Variants in PLS1 observed in about 807,000 individuals in gnomAD.
The protein encoded by PLS1 is plastin-1.
Under a neutral mutation model 73.7 loss-of-function variants are expected in PLS1, and 32 were observed. That is an observed-to-expected ratio of 0.43 (90% CI 0.33 to 0.58). The LOEUF is 0.58. Ranked by LOEUF, PLS1 falls within the 20% of genes least tolerant of loss-of-function variation. The pLI, the probability that PLS1 is intolerant of heterozygous loss-of-function variation, is 0.04. For missense variants in PLS1, 633 were observed against 740.5 expected, an observed-to-expected ratio of 0.85 and a Z score of 1.68; for synonymous variants, 217 against 261.3, an observed-to-expected ratio of 0.83 and a Z score of 1.63.
At chr3:142,608,816 GCCTGGGGCACTAATT>G (rs1288854631) in intron 1 of PLS1, among the ~76,000 whole-genome samples, 1 of 152,188 alleles carries the variant, frequency 6.6e-6, no homozygotes, top group Non-Finnish European at 1.5e-5. Flanking sequence ...AGCCAGCTTT[GCCTGGGGCACTAATT>G]CCTGCCACAT....
At chr3:142,611,496 C>A in intron 1 of PLS1, among the ~76,000 whole-genome samples, 1 of 152,130 alleles carries the variant, frequency 6.6e-6, no homozygotes, top group Non-Finnish European at 1.5e-5. Context: ...GTGGCATGTG[C>A]CTGTAGTCTT....
chr3:142,652,742 T>A (rs570593336), intron 1 of PLS1, among the ~76,000 whole-genome samples: 7 of 152,348 alleles, frequency 4.6e-5, no homozygotes, highest in African/African-American at 1.7e-4. Context: ...AACTCTGGGA[T>A]AAAGGCCTTG....
At chr3:142,664,972 T>A (rs1194743225) in intron 2 of PLS1, among the ~76,000 whole-genome samples, 1 of 135,886 alleles carries the variant, frequency 7.4e-6, no homozygotes, top group African/African-American at 3.0e-5. Flanking sequence ...TATAAATACC[T>A]TTTTTTTTTT....
chr3:142,701,546 T>C (rs2038332368), intron 12 of PLS1, among the ~76,000 whole-genome samples: 1 of 152,188 alleles, frequency 6.6e-6, no homozygotes, highest in African/African-American at 2.4e-5. Context: ...TTTCTCATTC[T>C]TTCTCTAGTT....
chr3:142,628,011 G>A (rs1209194912), intron 1 of PLS1: 1 of 152,088 alleles, frequency 6.6e-6, no homozygotes, highest in East Asian at 1.9e-4. Flanking sequence ...TGTACAGAAA[G>A]AATTGTTTTG....
chr3:142,632,942 G>A (rs947503650), intron 1 of PLS1, among the ~76,000 whole-genome samples: 4 of 152,120 alleles, frequency 2.6e-5, no homozygotes, highest in African/African-American at 9.7e-5. Flanking sequence ...CATGTTCATT[G>A]CATCATTAGT....
intron 1 of PLS1, among the ~76,000 whole-genome samples, chr3:142,644,981 C>T (rs909129622): frequency 2.0e-5 from 3 of 152,130 alleles, no homozygotes; most frequent in Admixed American, 6.6e-5. Flanking sequence ...TCATCTTTTG[C>T]GAGTAGGAAA....
At chr3:142,626,813 G>A (rs1443442486) in intron 1 of PLS1, among the ~76,000 whole-genome samples, 1 of 152,166 alleles carries the variant, frequency 6.6e-6, no homozygotes, top group Non-Finnish European at 1.5e-5. Context: ...TGCTTATTTA[G>A]TGAGTGTAGC....
intron 1 of PLS1, among the ~76,000 whole-genome samples, chr3:142,660,772 AG>A (rs1486075953): frequency 6.6e-6 from 1 of 152,238 alleles, no homozygotes; most frequent in Non-Finnish European, 1.5e-5. Context: ...ATAAAAACAA[AG>A]CTTTAAAGAT....
chr3:142,704,635 A>ATT lies in PLS1; in HGVS notation c.1629+78_1629+79dup, dbSNP rs10631186. The ATT allele has an allele frequency of 5.9e-3, 1,554 of 261,376 alleles. 26 individuals carry two copies. Among genetic ancestry groups the ATT allele is most frequent in the African/African-American group, 0.014 (293 of 20,668 alleles). 16.2% of individuals were successfully genotyped at this position (261,376 alleles called of 1,614,324 possible). On this transcript the variant is annotated intron_variant, in intron 14 of 15. Coordinates refer to ENST00000457734, the MANE Select transcript of PLS1 (RefSeq NM_001145319.2). ...TTTTTTTTTGTAGGTATAGGAAGGA[A>ATT]TTTTTTTTTTTTTTTTTTTTTTTTT...
At chr3:142,656,070 T>C (rs146322087) in intron 1 of PLS1, among the ~76,000 whole-genome samples, 2 of 152,310 alleles carry the variant, frequency 1.3e-5, no homozygotes, top group East Asian at 1.9e-4. Flanking sequence ...CAAGCAATAC[T>C]TGTGCCTCAA....
In PLS1 at chr3:142,686,454, TGTTCA is replaced by T. The variant is rs924524238; in HGVS notation, c.981+86_981+90del. 8.0e-6 allele frequency: 7 copies of T among 878,042 alleles called. No individual in the cohort carries two copies. The African/African-American group carries it at 9.9e-5, about 12-fold the overall frequency. The allele number at this position is 878,042 out of a possible 1,614,324, so 54.4% of individuals were successfully genotyped here. A position where few individuals can be genotyped will look rare whatever the true frequency, so the allele number is the denominator to read the frequency against. The stretch of plus-strand genomic sequence containing the variant: ...AATTTACCATTTTTATCATTTTCAG[TGTTCA>T]GTTCAGTGGCATTCAGTACATTTGC... On this transcript the variant is annotated intron_variant, in intron 9 of 15. Transcript: ENST00000457734.
At chr3:142,641,049 C>A (rs554625126) in intron 1 of PLS1, among the ~76,000 whole-genome samples, 27 of 151,262 alleles carry the variant, frequency 1.8e-4, no homozygotes, top group Non-Finnish European at 3.7e-4. Context: ...GTAGTCCTAG[C>A]TTTGAGAGGC....
intron 1 of PLS1, among the ~76,000 whole-genome samples, chr3:142,635,271 G>GA (rs1242392798): frequency 6.6e-6 from 1 of 151,520 alleles, no homozygotes; most frequent in African/African-American, 2.4e-5. Context: ...GAAAAAAGAG[G>GA]AAAAAAGAAA....
rs2036956186 is a variant in PLS1, at chr3:142,646,517, A to G, written c.-36-17685A>G. Among the ~76,000 whole-genome samples, 4 of 152,266 alleles carry G rather than the reference A, an allele frequency of 2.6e-5. No individual in the cohort carries two copies. In the South Asian group the frequency reaches 8.3e-4, roughly 32 times the overall value. ...AATGAGTATAGGAAAAAGTTTCTCCATAGCTTTAGGTCTTGTCTTCCTGAT... is the reference window on the plus strand; with the variant it reads ...AATGAGTATAGGAAAAAGTTTCTCCGTAGCTTTAGGTCTTGTCTTCCTGAT... On this transcript the variant is annotated intron_variant, in intron 1 of 15. Coordinates refer to ENST00000457734, the MANE Select transcript of PLS1 (RefSeq NM_001145319.2).
At chr3:142,694,096 A>G (rs1036466434) in intron 10 of PLS1, among the ~76,000 whole-genome samples, 2 of 151,470 alleles carry the variant, frequency 1.3e-5, no homozygotes, top group Middle Eastern at 3.2e-3. Context: ...TTAATGTGCT[A>G]ATGTTACCCT....
intron 1 of PLS1, among the ~76,000 whole-genome samples, chr3:142,652,707 G>C (rs1172658620): frequency 6.6e-6 from 1 of 152,186 alleles, no homozygotes; most frequent in Non-Finnish European, 1.5e-5. Flanking sequence ...GCACCTGTTT[G>C]GTGTTAGCCA....
chr3:142,612,745 T>G (rs530132578), intron 1 of PLS1, among the ~76,000 whole-genome samples: 1 of 152,118 alleles, frequency 6.6e-6, no homozygotes, highest in South Asian at 2.1e-4. Flanking sequence ...AAAAATCCCT[T>G]ATTTAACTTT....
chr3:142,626,018 C>T (rs2036420668), intron 1 of PLS1, among the ~76,000 whole-genome samples: 1 of 152,134 alleles, frequency 6.6e-6, no homozygotes, highest in Non-Finnish European at 1.5e-5. Context: ...TGCATGCATG[C>T]TACTCAGGAG....
Sources: allele counts gnomAD v4.1 joint callset (sites outside exome capture counted in the v4.1 genomes callset), GRCh38; gene constraint gnomAD v4.1.1; transcripts MANE v1.5; gene names NCBI Gene and HGNC (gene_info 2026-07-23, HGNC 2026-07-21).